The following SP3 variants were observed in gnomAD, a reference collection of about 807,000 sequenced individuals.
The protein encoded by SP3 is Sp3 transcription factor.
In SP3, 10 loss-of-function variants were observed where a neutral mutation model predicts 70.3. The ratio of observed to expected loss-of-function variants is 0.14; its 90% CI spans 0.09 to 0.24. The LOEUF (loss-of-function observed/expected upper bound fraction) is 0.24. Among genes scored for constraint, SP3 ranks in the 10% least tolerant of loss-of-function variants. The pLI, the probability that SP3 is intolerant of heterozygous loss-of-function variation, is 1.00. For missense variants in SP3, 825 were observed against 914.6 expected, an observed-to-expected ratio of 0.90 and a Z score of 1.26; for synonymous variants, 402 against 333.5, an observed-to-expected ratio of 1.21 and a Z score of -2.24.
intron 4 of SP3, among the ~76,000 whole-genome samples, chr2:173,930,110 T>G (rs1559096966): frequency 1.3e-5 from 2 of 152,314 alleles, no homozygotes; most frequent in East Asian, 3.9e-4. Context: ...CTAACCCAAC[T>G]GAAAAGCAAT....
intron 4 of SP3, among the ~76,000 whole-genome samples, chr2:173,932,509 T>C (rs1690094015): frequency 6.6e-6 from 1 of 152,004 alleles, no homozygotes; most frequent in South Asian, 2.1e-4. Flanking sequence ...GTTTCAATAT[T>C]GTTGTGTCTC....
chr2:173,926,690 TA>T (rs577599195), intron 4 of SP3, among the ~76,000 whole-genome samples: 3 of 152,066 alleles, frequency 2.0e-5, no homozygotes, highest in Admixed American at 1.3e-4. Context: ...TTTAAGTAAT[TA>T]AAAAAAATTT....
intron 4 of SP3, among the ~76,000 whole-genome samples, chr2:173,933,642 A>T (rs1407536811): frequency 1.6e-5 from 2 of 123,280 alleles, no homozygotes; most frequent in African/African-American, 3.8e-5. Flanking sequence ...AAAACTTTAT[A>T]TATATATATA....
chr2:173,922,161 G>A (rs1433275794), intron 4 of SP3, among the ~76,000 whole-genome samples: 2 of 152,158 alleles, frequency 1.3e-5, no homozygotes, highest in African/African-American at 4.8e-5. Context: ...CTAAGGTATT[G>A]AGGAGGAGGG....
Position 173,913,077 on chromosome 2 carries a change from T to C in SP3, c.2022A>G (p.Thr674=). 1 of 1,606,240 alleles carries C rather than the reference T, an allele frequency of 6.2e-7. No individual in the cohort carries two copies. Among genetic ancestry groups the C allele is most frequent in the Non-Finnish European group, 8.5e-7 (1 of 1,175,296 alleles). The change falls in exon 6 of 7, where the codon ACA becomes ACG. Residue 674 remains threonine (T), a synonymous_variant. Coordinates refer to ENST00000310015, the MANE Select transcript of SP3 (RefSeq NM_003111.5). ...RSDELQRHRR[T]HTGEKKFVCP... ...AAAGTAAGTATTAGTAACCTGTATGTGTTCTTCTGTGCCTCTGTAATTCAT... is the reference window on the plus strand; with the variant it reads ...AAAGTAAGTATTAGTAACCTGTATGCGTTCTTCTGTGCCTCTGTAATTCAT...
Position 173,906,546 on chromosome 2 carries a change from C to T in SP3, c.*3395G>A, listed in dbSNP as rs949487390. The T allele has an allele frequency of 6.6e-6, 1 of 152,042 alleles. No homozygotes were observed. Among genetic ancestry groups the T allele is most frequent in the African/African-American group, 2.4e-5 (1 of 41,400 alleles). The allele number at this position is 152,042 out of a possible 1,614,324, so 9.4% of individuals were successfully genotyped here. A position where few individuals can be genotyped will look rare whatever the true frequency, so the allele number is the denominator to read the frequency against. ...GCTTCATATAATTAAAACTGAAAAC[C>T]AAATTGTGTAACAGGTAGCATAACA... On this transcript the variant is annotated 3_prime_UTR_variant, in exon 7 of 7. Transcript: ENST00000310015.
At chr2:173,925,177 C>T (rs1464840857) in intron 4 of SP3, among the ~76,000 whole-genome samples, 1 of 152,164 alleles carries the variant, frequency 6.6e-6, no homozygotes, top group African/African-American at 2.4e-5. Flanking sequence ...GGATTACAGG[C>T]GTGAGCCACC....
intron 4 of SP3, among the ~76,000 whole-genome samples, chr2:173,941,633 C>T (rs913355160): frequency 6.6e-6 from 1 of 152,134 alleles, no homozygotes; most frequent in Non-Finnish European, 1.5e-5. Context: ...GCATTCCCTC[C>T]TCCTTTCTTA....
intron 1 of SP3, 36 bp downstream of exon 1, chr2:173,965,117 AGCGGCGGCGGCG>A: frequency 6.5e-7 from 1 of 1,542,314 alleles, no homozygotes; most frequent in East Asian, 2.5e-5. Flanking sequence ...GGTCGGCGGC[AGCGGCGGCGGCG>A]GCAGCAGCAA....
At chr2:173,953,574 T>C (rs1004934784) in intron 4 of SP3, among the ~76,000 whole-genome samples, 2 of 152,018 alleles carry the variant, frequency 1.3e-5, no homozygotes, top group African/African-American at 4.8e-5. Flanking sequence ...TTACTAAACC[T>C]CATCTTTACT....
rs754565745 is a variant in SP3 at position 173,904,811 on chromosome 2, T to C, written c.*5130A>G. Reference sequence around the variant, plus strand: ...TCACTAAGCCAATACTTCCTGTATTTCGTTGTTGTCGATTAATCGGAGGCT... The same window carrying C: ...TCACTAAGCCAATACTTCCTGTATTCCGTTGTTGTCGATTAATCGGAGGCT... On this transcript the variant is annotated 3_prime_UTR_variant, in exon 7 of 7. Coordinates refer to ENST00000310015, the MANE Select transcript of SP3 (RefSeq NM_003111.5). 1.3e-5 allele frequency among the ~76,000 whole-genome samples: 2 copies of C among 152,212 alleles called. No homozygotes were observed. Among genetic ancestry groups the C allele is most frequent in the Non-Finnish European group, 1.5e-5 (1 of 68,036 alleles).
At chr2:173,938,017 C>A (rs185943003) in intron 4 of SP3, among the ~76,000 whole-genome samples, 23 of 152,258 alleles carry the variant, frequency 1.5e-4, no homozygotes, top group African/African-American at 5.3e-4. Flanking sequence ...CTCATATGCA[C>A]GTAAGACTAA....
chr2:173,944,230 A>T lies in SP3; in HGVS notation c.1639+10643T>A, dbSNP rs561237172. Among the ~76,000 whole-genome samples the T allele has an allele frequency of 8.5e-4, 130 of 152,316 alleles. 1 individual carries two copies. Among genetic ancestry groups the T allele is most frequent in the African/African-American group, 3.1e-3 (128 of 41,580 alleles). ...ATGAAAACAACGTCACATGTTAAGT[A>T]CCTTCATAAAATAAAGCTGAAGGCC... On this transcript the variant is annotated intron_variant, in intron 4 of 6. Transcript: ENST00000310015.
At chr2:173,910,728 G>A (rs1574394717) in intron 6 of SP3, among the ~76,000 whole-genome samples, 1 of 152,122 alleles carries the variant, frequency 6.6e-6, no homozygotes, top group East Asian at 1.9e-4. Context: ...TTAAAGAAAT[G>A]ACACCACAAG....
intron 4 of SP3, among the ~76,000 whole-genome samples, chr2:173,923,432 A>G (rs1453059077): frequency 1.3e-5 from 2 of 152,286 alleles, no homozygotes; most frequent in East Asian, 1.9e-4. Context: ...TTAAGTATCA[A>G]TAACTCAGGG....
chr2:173,911,221 T>C (rs752983465), intron 6 of SP3, among the ~76,000 whole-genome samples: 1 of 152,150 alleles, frequency 6.6e-6, no homozygotes. Context: ...TTCAAGATTA[T>C]ATTAAGTGAT....
chr2:173,951,058 T>G (rs764897798), intron 4 of SP3, among the ~76,000 whole-genome samples: 4 of 152,200 alleles, frequency 2.6e-5, no homozygotes, highest in Non-Finnish European at 5.9e-5. Flanking sequence ...TACACAGTGT[T>G]TCTATTCTGA....
chr2:173,964,716 C>A, intron 1 of SP3, 163 bp from the exon 2 acceptor site: 2 of 375,670 alleles, frequency 5.3e-6, no homozygotes, highest in Non-Finnish European at 9.6e-6. Context: ...CTCCCTCCTC[C>A]CCTCCTGCTG....
intron 4 of SP3, among the ~76,000 whole-genome samples, chr2:173,924,332 A>C (rs1361796970): frequency 6.6e-6 from 1 of 152,210 alleles, no homozygotes; most frequent in East Asian, 1.9e-4. Context: ...GTATTACAGA[A>C]GATCTCATTT....
Sources: allele counts gnomAD v4.1 joint callset (sites outside exome capture counted in the v4.1 genomes callset), GRCh38; gene constraint gnomAD v4.1.1; transcripts MANE v1.5; gene names NCBI Gene and HGNC (gene_info 2026-07-23, HGNC 2026-07-21).